Variants in RASGEF1C observed in about 807,000 individuals in gnomAD.
RASGEF1C encodes RasGEF domain family member 1C, also known as ras-GEF domain-containing family member 1C.
In RASGEF1C, 27 loss-of-function variants were observed where a neutral mutation model predicts 58.1. The observed-to-expected ratio is 0.46, with a 90% CI of 0.34 to 0.64. The LOEUF is 0.64. RASGEF1C is among the 30% of genes least tolerant of loss of function. RASGEF1C has a pLI of 0.01. For synonymous variants in RASGEF1C, 243 were observed against 246.3 expected, an observed-to-expected ratio of 0.99 and a Z score of 0.13; for missense variants, 502 against 605.1, an observed-to-expected ratio of 0.83 and a Z score of 1.79.
chr5:180,119,871 G>A (rs572425547), intron 7 of RASGEF1C, among the ~76,000 whole-genome samples: 12 of 152,138 alleles, frequency 7.9e-5, no homozygotes, highest in African/African-American at 1.2e-4. Context: ...CAGCCCCTCC[G>A]CTCTCTCCAT....
At chr5:180,169,786 C>T (rs1394560178) in intron 1 of RASGEF1C, among the ~76,000 whole-genome samples, 3 of 139,962 alleles carry the variant, frequency 2.1e-5, no homozygotes, top group Admixed American at 7.1e-5. Context: ...CCAGCACCCA[C>T]CCCCCGACCC....
At chr5:180,120,784 TGGGGCTGG>T (rs1417167428) in intron 7 of RASGEF1C, among the ~76,000 whole-genome samples, 16 of 152,168 alleles carry the variant, frequency 1.1e-4, no homozygotes, top group Admixed American at 1.0e-3. Flanking sequence ...GCAGAGCCAC[TGGGGCTGG>T]GAGTGACGGC....
rs1766364508 is a variant in RASGEF1C at position 180,131,294 on chromosome 5, G to A, written c.439-2684C>T. On this transcript the variant is annotated intron_variant, in intron 4 of 13. Transcript: ENST00000361132. ...TCTGGCCAGGCTTGGTGGCCTCTAT[G>A]CGCCCTTGCTCCCCTTCTGTGCTCT... is the stretch of plus-strand genomic sequence containing the variant. 2.0e-5 allele frequency among the ~76,000 whole-genome samples: 3 copies of A among 152,152 alleles called. No individual in the cohort carries two copies. The South Asian group carries it at 6.2e-4, about 32-fold the overall frequency.
rs528610653 is a variant in RASGEF1C at position 180,196,365 on chromosome 5, G to A, written c.-7+12663C>T. ...AAATATAAAAAATTAGCCAGGTGTC[G>A]TGGCGGAAGACTGTAATACCAGCTA... On this transcript the variant is annotated intron_variant, in intron 1 of 13. Coordinates refer to ENST00000361132, the MANE Select transcript of RASGEF1C (RefSeq NM_175062.4). Among the ~76,000 whole-genome samples, 4 of 152,146 alleles carry A rather than the reference G, an allele frequency of 2.6e-5. No homozygotes were observed. In the South Asian group the frequency reaches 6.2e-4, roughly 24 times the overall value.
At chr5:180,142,777 C>T (rs757824552) in intron 1 of RASGEF1C, among the ~76,000 whole-genome samples, 9 of 152,100 alleles carry the variant, frequency 5.9e-5, no homozygotes, top group Non-Finnish European at 1.3e-4. Flanking sequence ...CGCTGCTGTG[C>T]CCTCCTCGCA....
At chr5:180,110,393 T>A (rs938519223) in intron 12 of RASGEF1C, among the ~76,000 whole-genome samples, 14 of 7,100 alleles carry the variant, frequency 2.0e-3, no homozygotes, top group African/African-American at 7.0e-3. Context: ...TCCTTCTCCC[T>A]TTTTTTTTTT....
chr5:180,114,425 C>A, intron 11 of RASGEF1C, 21 bp downstream of exon 11: 1 of 1,606,124 alleles, frequency 6.2e-7, no homozygotes, highest in Non-Finnish European at 8.5e-7. Context: ...ACCTCAGTGG[C>A]GGTCCACACG....
At chr5:180,114,673 G>A (rs539677629) in intron 10 of RASGEF1C, 132 bp from the exon 11 acceptor site, 1 of 741,556 alleles carries the variant, frequency 1.3e-6, no homozygotes, top group Non-Finnish European at 2.2e-6. Flanking sequence ...GAGGGCAGGG[G>A]AGACTTCCTG....
intron 13 of RASGEF1C, 91 bp from the exon 14 acceptor site, chr5:180,101,616 C>CT: frequency 1.3e-6 from 2 of 1,501,172 alleles, no homozygotes; most frequent in Non-Finnish European, 1.8e-6. Context: ...TCTCAGTGCG[C>CT]TGAGGAGAGC....
At chr5:180,160,283 G>A (rs141859751) in intron 1 of RASGEF1C, among the ~76,000 whole-genome samples, 34 of 152,322 alleles carry the variant, frequency 2.2e-4, no homozygotes, top group African/African-American at 7.2e-4. Flanking sequence ...TCCAGGGTCC[G>A]AGTCAAGGCA....
In RASGEF1C at chr5:180,200,887, A is replaced by G. The variant is rs190003033; in HGVS notation, c.-7+8141T>C. Among the ~76,000 whole-genome samples, 124 of 152,084 alleles carry G rather than the reference A, an allele frequency of 8.2e-4. 1 individual carries two copies. Among genetic ancestry groups the G allele is most frequent in the Middle Eastern group, 6.8e-3 (2 of 294 alleles). Reference sequence around the variant, plus strand: ...ATTGGTGGGGTGAGGGCTCAGGGAGAGGCACTGTGGGAATGAGGAGAGGGG... The same window carrying G: ...ATTGGTGGGGTGAGGGCTCAGGGAGGGGCACTGTGGGAATGAGGAGAGGGG... On this transcript the variant is annotated intron_variant, in intron 1 of 13. Transcript: ENST00000361132.
At chr5:180,121,345 G>A (rs1039691295) in intron 6 of RASGEF1C, among the ~76,000 whole-genome samples, 196 bp from the exon 7 acceptor site, 9 of 150,122 alleles carry the variant, frequency 6.0e-5, no homozygotes, top group East Asian at 1.9e-4. Flanking sequence ...ACGGAGTCCC[G>A]CTCTGTCGCC....
intron 1 of RASGEF1C, among the ~76,000 whole-genome samples, chr5:180,206,007 T>C (rs755590788): frequency 6.6e-6 from 1 of 152,200 alleles, no homozygotes; most frequent in African/African-American, 2.4e-5. Flanking sequence ...AGTGCTGGGA[T>C]TACAGGCGTG....
chr5:180,139,355 C>T (rs765885509), intron 1 of RASGEF1C, among the ~76,000 whole-genome samples: 3 of 152,236 alleles, frequency 2.0e-5, no homozygotes, highest in Non-Finnish European at 2.9e-5. Flanking sequence ...CTCATGCCGT[C>T]CTTGCTGCCC....
intron 1 of RASGEF1C, among the ~76,000 whole-genome samples, chr5:180,188,935 A>T (rs1344294874): frequency 6.6e-6 from 1 of 152,234 alleles, no homozygotes; most frequent in Non-Finnish European, 1.5e-5. Flanking sequence ...CGGGAGGTTC[A>T]GTCTAGTATA....
intron 1 of RASGEF1C, among the ~76,000 whole-genome samples, chr5:180,176,732 A>G (rs1561752354): frequency 6.6e-6 from 1 of 151,576 alleles, no homozygotes; most frequent in Non-Finnish European, 1.5e-5. Context: ...AATTTTTTGT[A>G]TTTTTAGTAG....
chr5:180,135,060 T>G (rs1327733143), intron 4 of RASGEF1C, among the ~76,000 whole-genome samples: 1 of 73,384 alleles, frequency 1.4e-5, no homozygotes, highest in African/African-American at 4.0e-5. Context: ...CCCCGTCCAA[T>G]CATCAACTGT....
intron 13 of RASGEF1C, 122 bp from the exon 14 acceptor site, chr5:180,101,647 G>T (rs954503729): frequency 8.9e-6 from 11 of 1,235,138 alleles, no homozygotes; most frequent in Non-Finnish European, 1.1e-5. Context: ...CCCCAGAGGG[G>T]TGTTCTGCAA....
chr5:180,162,868 G>T (rs4700718), intron 1 of RASGEF1C, among the ~76,000 whole-genome samples: 4,493 of 151,906 alleles, frequency 0.03, 96 homozygotes, highest in South Asian at 0.093. Context: ...ACAGTGTGTC[G>T]CTATGATTAC....
Sources: gnomAD v4.1 joint callset for allele counts (sites outside exome capture counted in the v4.1 genomes callset) on GRCh38, gnomAD v4.1.1 for gene constraint, MANE v1.5 for transcripts, NCBI Gene and HGNC (gene_info 2026-07-23, HGNC 2026-07-21) for gene names.